Variants in ARHGEF10 observed in about 807,000 individuals in gnomAD.
The protein encoded by ARHGEF10 is Rho guanine nucleotide exchange factor (GEF) 10.
In ARHGEF10, 140 loss-of-function variants were observed where a neutral mutation model predicts 147.4. That is an observed-to-expected ratio of 0.95 (90% CI 0.83 to 1.09). The LOEUF (loss-of-function observed/expected upper bound fraction) is 1.09, where lower values mean the gene tolerates loss of function less well. ARHGEF10 is among the 50% of genes least tolerant of loss of function. The pLI, the probability that ARHGEF10 is intolerant of heterozygous loss-of-function variation, is 0.00. For missense variants in ARHGEF10, 2,222 were observed against 1,752.7 expected (o/e 1.27, Z -4.78); for synonymous variants, 902 against 695.8 (o/e 1.30, Z -4.67).
At chr8:1,949,368 A>G (rs966673828) in intron 27 of ARHGEF10, among the ~76,000 whole-genome samples, 1 of 152,198 alleles carries the variant, frequency 6.6e-6, no homozygotes, top group African/African-American at 2.4e-5. Context: ...CTAACAGTTG[A>G]TGAAGGTCTG....
chr8:1,862,088 TG>T (rs2129079347), intron 4 of ARHGEF10, among the ~76,000 whole-genome samples: 1 of 152,298 alleles, frequency 6.6e-6, no homozygotes, highest in Non-Finnish European at 1.5e-5. Context: ...GATCATTGAA[TG>T]AGGGATGTGA....
intron 9 of ARHGEF10, 147 bp downstream of exon 9, chr8:1,880,311 C>T (rs906956210): frequency 3.7e-5 from 25 of 680,436 alleles, no homozygotes; most frequent in Middle Eastern, 3.8e-4. Context: ...TTGGGGCTCA[C>T]GTGGACTCTG....
chr8:1,839,009 C>T lies in ARHGEF10; in HGVS notation c.-47-4344C>T, dbSNP rs150193657. Among the ~76,000 whole-genome samples the T allele has an allele frequency of 1.6e-3, 243 of 148,884 alleles. 3 individuals carry two copies. The highest frequency in any genetic ancestry group is 6.0e-3 in the African/African-American group (242 of 40,052). ...CGTGGGGGCCATCTGGCGTGGATGC[C>T]GTCCGATGTGGGGACTGTCCAGCGT... On this transcript the variant is annotated intron_variant, in intron 1 of 28. Coordinates refer to ENST00000349830, the MANE Select transcript of ARHGEF10 (RefSeq NM_014629.4).
In ARHGEF10 at chr8:1,905,623, C is replaced by T; in HGVS notation, c.1874C>T (p.Thr625Ile). ...ATTCGATCAGATGATATGATAGAAA[C>T]AGTTTACAACGACAGAGGAGAGATT... ...YLIRSDDMIE[T>I]VYNDRGEIVK... Residue 625 changes from threonine to isoleucine, a missense_variant, in exon 17 of 29, where the codon ACA becomes ATA. Thr to Ile is a moderately conservative substitution (Grantham distance 89, BLOSUM62 -1). Coordinates refer to ENST00000349830, the MANE Select transcript of ARHGEF10 (RefSeq NM_014629.4). 2 of 1,614,186 alleles carry T rather than the reference C, an allele frequency of 1.2e-6. No homozygotes were observed. The highest frequency in any genetic ancestry group is 1.7e-6 in the Non-Finnish European group (2 of 1,180,032).
chr8:1,945,593 C>T lies in ARHGEF10; in HGVS notation c.3335C>T (p.Thr1112Met), dbSNP rs772205292. ...GGGTCCACGCTCCGCCTTTTTCACA[C>T]GGAAACTCTCAAGCACCTGCAGGAC... is the stretch of plus-strand genomic sequence containing the variant. ...TSGSTLRLFH[T>M]ETLKHLQDIN... Residue 1112 changes from threonine (T) to methionine (M), a missense_variant, in exon 27 of 29, where the codon ACG becomes ATG. Coordinates refer to ENST00000349830, the MANE Select transcript of ARHGEF10 (RefSeq NM_014629.4). 2.3e-5 allele frequency: 37 copies of T among 1,614,218 alleles called. No homozygotes were observed. The East Asian group carries it at 4.7e-4, about 20-fold the overall frequency.
rs571695251 is a variant in ARHGEF10, at chr8:1,830,206, A to G, written c.-48+6093A>G. On this transcript the variant is annotated intron_variant, in intron 1 of 28. Coordinates refer to ENST00000349830, the MANE Select transcript of ARHGEF10 (RefSeq NM_014629.4). ...GTGTGCGCGCACCTGTAATCCTGGGAGATTTCCACTGCAATCCGCAGGCAT... is the reference window on the plus strand; with the variant it reads ...GTGTGCGCGCACCTGTAATCCTGGGGGATTTCCACTGCAATCCGCAGGCAT... 8.4e-4 allele frequency among the ~76,000 whole-genome samples: 108 copies of G among 128,090 alleles called. 1 individual carries two copies. The highest frequency in any genetic ancestry group is 4.9e-4 in the Non-Finnish European group (29 of 58,826). 84.0% of individuals were successfully genotyped at this position (128,090 alleles called of 152,430 possible).
chr8:1,894,590 C>G lies in ARHGEF10; in HGVS notation c.1440+18C>G, dbSNP rs758490040. 8 of 1,612,078 alleles carry G rather than the reference C, an allele frequency of 5.0e-6. No homozygotes were observed. The highest frequency in any genetic ancestry group is 5.9e-6 in the Non-Finnish European group (7 of 1,178,596). On this transcript the variant is annotated intron_variant, in intron 13 of 28. Transcript: ENST00000349830. ...TGGCTTCGGTAATTAAGCTGGGACACCTGGATGTCCATGGGGCTCTCCATG... is the reference window on the plus strand; with the variant it reads ...TGGCTTCGGTAATTAAGCTGGGACAGCTGGATGTCCATGGGGCTCTCCATG...
At chr8:1,925,962 G>A (rs1812659431) in intron 22 of ARHGEF10, among the ~76,000 whole-genome samples, 1 of 152,180 alleles carries the variant, frequency 6.6e-6, no homozygotes, top group African/African-American at 2.4e-5. Context: ...TTTCCCAGCA[G>A]CTCCCCTGAC....
chr8:1,852,818 T>A (rs1453048068), intron 2 of ARHGEF10, among the ~76,000 whole-genome samples: 2 of 152,220 alleles, frequency 1.3e-5, no homozygotes, highest in Admixed American at 6.5e-5. Flanking sequence ...GCAGCCCCAA[T>A]GGCCCTGCTG....
At chr8:1,828,808 G>A (rs1802917869) in intron 1 of ARHGEF10, among the ~76,000 whole-genome samples, 1 of 151,790 alleles carries the variant, frequency 6.6e-6, no homozygotes, top group Non-Finnish European at 1.5e-5. Flanking sequence ...GATAAACCGT[G>A]GCATGCACAC....
intron 26 of ARHGEF10, among the ~76,000 whole-genome samples, chr8:1,941,753 G>A (rs1053455226): frequency 2.6e-5 from 4 of 152,154 alleles, no homozygotes; most frequent in Admixed American, 6.5e-5. Context: ...GTGCTGGCAC[G>A]GGACAGACAC....
At chr8:1,838,405 T>C (rs1803720680) in intron 1 of ARHGEF10, among the ~76,000 whole-genome samples, 1 of 151,420 alleles carries the variant, frequency 6.6e-6, no homozygotes, top group African/African-American at 2.4e-5. Context: ...GGCTGACGAA[T>C]GAAGGAGTCT....
chr8:1,831,046 C>A (rs932064814), intron 1 of ARHGEF10, among the ~76,000 whole-genome samples: 3 of 152,200 alleles, frequency 2.0e-5, no homozygotes, highest in African/African-American at 4.8e-5. Flanking sequence ...AATGCCAGGG[C>A]AGCGGGGGAA....
intron 1 of ARHGEF10, among the ~76,000 whole-genome samples, chr8:1,825,543 G>T (rs1230473560): frequency 1.3e-5 from 2 of 149,224 alleles, no homozygotes; most frequent in African/African-American, 5.0e-5. Context: ...GCCCGCTGGT[G>T]CCCAAGAAGC....
At chr8:1,929,018 A>G (rs1357542443) in intron 24 of ARHGEF10, among the ~76,000 whole-genome samples, 1 of 152,232 alleles carries the variant, frequency 6.6e-6, no homozygotes, top group East Asian at 1.9e-4. Context: ...CACCATTTAA[A>G]GGAGAGTTAA....
At chr8:1,860,642 T>G (rs1355345666) in intron 4 of ARHGEF10, among the ~76,000 whole-genome samples, 1 of 152,244 alleles carries the variant, frequency 6.6e-6, no homozygotes, top group Non-Finnish European at 1.5e-5. Context: ...TGGAAATTTT[T>G]GAAACAACGT....
intron 7 of ARHGEF10, among the ~76,000 whole-genome samples, chr8:1,873,063 G>A (rs149352436): frequency 1.2e-3 from 179 of 152,302 alleles, no homozygotes; most frequent in Admixed American, 3.7e-3. Context: ...TCCAGCCGTC[G>A]GCCCCCTGCC....
At chr8:1,898,282 G>A (rs1367876543) in intron 14 of ARHGEF10, 151 bp from the exon 15 acceptor site, 3 of 713,008 alleles carry the variant, frequency 4.2e-6, no homozygotes, top group African/African-American at 1.8e-5. Flanking sequence ...GTGGCTGGAA[G>A]GTATTTGGCC....
chr8:1,841,585 C>G (rs1476315331), intron 1 of ARHGEF10, among the ~76,000 whole-genome samples: 4 of 152,064 alleles, frequency 2.6e-5, no homozygotes, highest in African/African-American at 7.2e-5. Flanking sequence ...ACGCGGCTCC[C>G]TGGGGGCAGG....
Sources: allele counts gnomAD v4.1 joint callset (sites outside exome capture counted in the v4.1 genomes callset), GRCh38; gene constraint gnomAD v4.1.1; transcripts MANE v1.5; gene names NCBI Gene and HGNC (gene_info 2026-07-23, HGNC 2026-07-21).